RHBDF1: variants seen among roughly 807,000 people sequenced by gnomAD.
The protein encoded by RHBDF1 is inactive rhomboid protein 1.
In RHBDF1, 80 loss-of-function variants were observed where a neutral mutation model predicts 98.6. That is an observed-to-expected ratio of 0.81 (90% CI 0.68 to 0.98). RHBDF1 has a LOEUF of 0.98. RHBDF1 is among the 50% of genes least tolerant of loss of function. The pLI is 0.00. For synonymous variants in RHBDF1, 512 were observed against 486.8 expected (o/e 1.05, Z -0.68); for missense variants, 1,116 against 1,198.3 (o/e 0.93, Z 1.01).
chr16:67,046 C>T (rs1897848047), intron 1 of RHBDF1, among the ~76,000 whole-genome samples: 5 of 152,212 alleles, frequency 3.3e-5, no homozygotes, highest in Admixed American at 3.3e-4. Flanking sequence ...GCTAGACTTC[C>T]TCATCGTCCC....
Position 59,608 on chromosome 16 carries a change from A to ACC in RHBDF1, c.1818-116_1818-115dup, listed in dbSNP as rs1259236740. On this transcript the variant is annotated intron_variant, in intron 14 of 17. Coordinates refer to ENST00000262316, the MANE Select transcript of RHBDF1 (RefSeq NM_022450.5). The stretch of plus-strand genomic sequence containing the variant: ...CTTTGTTGGCCCCAAGGAAGTCCAG[A>ACC]CCCCCTCTAACCCCACATCCTTGGT... The ACC allele has an allele frequency of 6.1e-6, 9 of 1,463,508 alleles. No homozygotes were observed. The East Asian group carries it at 1.9e-4, about 31-fold the overall frequency. 90.7% of individuals were successfully genotyped at this position (1,463,508 alleles called of 1,614,324 possible).
chr16:61,126 C>T lies in RHBDF1; in HGVS notation c.1551G>A (p.Glu517=), dbSNP rs1264482349. ...CCCGGGCGGGGAAACGCACCGAGCA[C>T]TCCTCCTCCGAGGTCTGCACGCAGC... The part of the protein sequence containing the change: ...RSGCVQTSEE[E]CSSTLAVWVK... Residue 517 remains glutamate (E), a synonymous_variant, in exon 11 of 18, where the codon GAG becomes GAA. Coordinates refer to ENST00000262316, the MANE Select transcript of RHBDF1 (RefSeq NM_022450.5). The T allele has an allele frequency of 3.3e-6, 5 of 1,530,518 alleles. No individual in the cohort carries two copies. Among genetic ancestry groups the T allele is most frequent in the Non-Finnish European group, 4.4e-6 (5 of 1,140,578 alleles). The allele number at this position is 1,530,518 out of a possible 1,614,324, so 94.8% of individuals were successfully genotyped here.
intron 1 of RHBDF1, among the ~76,000 whole-genome samples, chr16:71,452 G>T (rs571152076): frequency 6.6e-6 from 1 of 152,314 alleles, no homozygotes; most frequent in South Asian, 2.1e-4. Flanking sequence ...GTCGGGGCTA[G>T]GAGGTTGGGG....
At chr16:75,162 C>A (rs1398357342), upstream of RHBDF1, among the ~76,000 whole-genome samples, 1 of 152,194 alleles carries the variant, frequency 6.6e-6, no homozygotes, top group Non-Finnish European at 1.5e-5. Context: ...CCTCTCTTCC[C>A]GCGTCATGCA....
At chr16:64,364 G>A (rs753712945) in intron 3 of RHBDF1, 4 of 1,375,478 alleles carry the variant, frequency 2.9e-6, no homozygotes, top group Non-Finnish European at 1.9e-6. Context: ...GACTGGCGCT[G>A]TGGGAAGGCC....
chr16:61,298 C>A lies in RHBDF1; in HGVS notation c.1396-17G>T. ...GAGGGCCTCCTGCGGGCGAGGGAGA[C>A]GAGCGGCCGCAGTCCGGGGCCTCCT... On this transcript the variant is annotated splice_polypyrimidine_tract_variant and intron_variant, in intron 10 of 17. Coordinates refer to ENST00000262316, the MANE Select transcript of RHBDF1 (RefSeq NM_022450.5). 1 of 1,541,642 alleles carries A rather than the reference C, an allele frequency of 6.5e-7. No individual in the cohort carries two copies. Among genetic ancestry groups the A allele is most frequent in the South Asian group, 1.2e-5 (1 of 83,232 alleles).
Position 65,948 on chromosome 16 carries a change from C to G in RHBDF1, c.-24-909G>C, listed in dbSNP as rs373672372. Among the ~76,000 whole-genome samples the G allele has an allele frequency of 2.3e-4, 35 of 152,378 alleles. 1 individual carries two copies. The highest frequency in any genetic ancestry group is 5.3e-4 in the African/African-American group (22 of 41,596). On this transcript the variant is annotated intron_variant, in intron 1 of 17. Coordinates refer to ENST00000262316, the MANE Select transcript of RHBDF1 (RefSeq NM_022450.5). Reference sequence around the variant, plus strand: ...CTACCATGACATGCCAGGCACGGGGCCAGGGCCCCACGGAAGGCCCCAGAG... The same window carrying G: ...CTACCATGACATGCCAGGCACGGGGGCAGGGCCCCACGGAAGGCCCCAGAG...
At chr16:62,919 T>C (rs778795922) in intron 5 of RHBDF1, 22 bp from the exon 6 acceptor site, 1 of 1,613,286 alleles carries the variant, frequency 6.2e-7, no homozygotes, top group East Asian at 2.2e-5. Context: ...GAAGTGAGCA[T>C]GAGACCCGGC....
At chr16:71,762 G>A (rs555257725) in intron 1 of RHBDF1, among the ~76,000 whole-genome samples, 2 of 152,234 alleles carry the variant, frequency 1.3e-5, no homozygotes, top group South Asian at 4.1e-4. Flanking sequence ...TCCCCGCCCA[G>A]CCCCACAAAC....
Position 58,563 on chromosome 16 carries a change from A to G in RHBDF1, c.2345T>C (p.Leu782Pro). Residue 782 changes from leucine to proline, a missense_variant, in exon 18 of 18, where the codon CTC (leucine) becomes CCC (proline). By Grantham distance (98) the Leu-to-Pro change is moderately conservative. Coordinates refer to ENST00000262316, the MANE Select transcript of RHBDF1 (RefSeq NM_022450.5). ...HISGFISGLF[L>P]SFAFLPYISF... Reference sequence around the variant, plus strand: ...GATGTAGGGCAAGAAGGCGAAGGAGAGGAAGAGGCCACTGATGAACCCTGA... The same window carrying G: ...GATGTAGGGCAAGAAGGCGAAGGAGGGGAAGAGGCCACTGATGAACCCTGA... 6.2e-7 allele frequency: 1 copy of G among 1,613,882 alleles called. No homozygotes were observed. Among genetic ancestry groups the G allele is most frequent in the East Asian group, 2.2e-5 (1 of 44,894 alleles).
rs542037494 is a variant in RHBDF1 at position 69,904 on chromosome 16, T to C, written c.-25+2609A>G. Among the ~76,000 whole-genome samples, 51 of 151,116 alleles carry C rather than the reference T, an allele frequency of 3.4e-4. No homozygotes were observed. In the South Asian group the frequency reaches 8.8e-3, roughly 26 times the overall value. On this transcript the variant is annotated intron_variant, in intron 1 of 17. Coordinates refer to ENST00000262316, the MANE Select transcript of RHBDF1 (RefSeq NM_022450.5). ...CAAGGAGACAGAACAAGAGGTTCCCTGCTACAGGCCATCTGTGAGGGAAGC... is the reference window on the plus strand; with the variant it reads ...CAAGGAGACAGAACAAGAGGTTCCCCGCTACAGGCCATCTGTGAGGGAAGC...
chr16:73,764 G>A (rs1036287826), upstream of RHBDF1, among the ~76,000 whole-genome samples: 5 of 152,220 alleles, frequency 3.3e-5, no homozygotes, highest in Admixed American at 6.5e-5. Context: ...CTGGTCACAA[G>A]GTGCTGCTGC....
intron 1 of RHBDF1, among the ~76,000 whole-genome samples, chr16:67,582 G>C (rs560981143): frequency 6.6e-6 from 1 of 152,180 alleles, no homozygotes; most frequent in Non-Finnish European, 1.5e-5. Flanking sequence ...CTGCAAATGC[G>C]CTCTGCCCAC....
At chr16:71,370 A>C (rs1432921108) in intron 1 of RHBDF1, among the ~76,000 whole-genome samples, 1 of 152,174 alleles carries the variant, frequency 6.6e-6, no homozygotes, top group Non-Finnish European at 1.5e-5. Flanking sequence ...CCCTGGTGGC[A>C]GGGGGCTCCG....
intron 1 of RHBDF1, among the ~76,000 whole-genome samples, chr16:70,283 G>A (rs1897937934): frequency 6.6e-6 from 1 of 152,204 alleles, no homozygotes; most frequent in East Asian, 1.9e-4. Context: ...TGGGTCTCAG[G>A]AGTTAGGCGA....
chr16:64,022 C>T (rs1272735704), intron 3 of RHBDF1: 6 of 701,868 alleles, frequency 8.5e-6, no homozygotes, highest in Admixed American at 6.3e-5. Context: ...TGGCCTTGCC[C>T]GGTTGAGTGC....
rs1185428033 is a variant in RHBDF1 at position 63,177 on chromosome 16, T to C, written c.468A>G (p.Ile156Met). 1 of 1,570,540 alleles carries C rather than the reference T, an allele frequency of 6.4e-7. No individual in the cohort carries two copies. The highest frequency in any genetic ancestry group is 8.6e-7 in the Non-Finnish European group (1 of 1,158,416). Residue 156 changes from isoleucine (I) to methionine (M), a missense_variant, in exon 5 of 18, where the codon ATA becomes ATG. Ile to Met is a conservative substitution (Grantham distance 10). Transcript: ENST00000262316. ...GPCQLGMQKI[I>M]DPLARGRAFR... ...AGGCACGGCCACGGGCCAGGGGGTCTATGATCTGGAGGAGGGGAGGAGATG... is the reference window on the plus strand; with the variant it reads ...AGGCACGGCCACGGGCCAGGGGGTCCATGATCTGGAGGAGGGGAGGAGATG...
intron 1 of RHBDF1, among the ~76,000 whole-genome samples, chr16:66,263 C>G (rs1897827941): frequency 6.6e-6 from 1 of 152,152 alleles, no homozygotes; most frequent in African/African-American, 2.4e-5. Flanking sequence ...GGCAACCCAC[C>G]CACCAAGGCC....
Position 59,492 on chromosome 16 carries a change from C to T in RHBDF1, c.1820G>A (p.Cys607Tyr). 1.9e-6 allele frequency: 3 copies of T among 1,613,204 alleles called. No individual in the cohort carries two copies. The highest frequency in any genetic ancestry group is 2.5e-6 in the Non-Finnish European group (3 of 1,179,824). ...ACAGTACTCCCGGGAGGTGATCTCA[C>T]ACCTAGAAAGGCAGGCCAGGGTTCG... The part of the protein sequence containing the change: ...RPCCIGTKGR[C>Y]EITSREYCDF... Residue 607 changes from cysteine to tyrosine, a missense_variant and splice_region_variant, in exon 15 of 18, where the codon TGT (cysteine) becomes TAT (tyrosine). Coordinates refer to ENST00000262316, the MANE Select transcript of RHBDF1 (RefSeq NM_022450.5).
Sources: allele counts gnomAD v4.1 joint callset (sites outside exome capture counted in the v4.1 genomes callset), GRCh38; gene constraint gnomAD v4.1.1; transcripts MANE v1.5; gene names NCBI Gene and HGNC (gene_info 2026-07-23, HGNC 2026-07-21).